KAZN: variants seen among roughly 807,000 people sequenced by gnomAD.
KAZN encodes kazrin.
In KAZN, 40 loss-of-function variants were observed where a neutral mutation model predicts 87.4. The ratio of observed to expected loss-of-function variants is 0.46; its 90% CI spans 0.36 to 0.60. KAZN has a LOEUF of 0.60. Among genes scored for constraint, KAZN ranks in the 20% least tolerant of loss-of-function variants. KAZN has a pLI of 0.00. For synonymous variants in KAZN, 466 were observed against 458.3 expected, an observed-to-expected ratio of 1.02 and a Z score of -0.22; for missense variants, 898 against 1,073.9, an observed-to-expected ratio of 0.84 and a Z score of 2.29.
Position 15,049,270 on chromosome 1 carries a change from C to G in KAZN, c.726+5111C>G, listed in dbSNP as rs1262846673. Among the ~76,000 whole-genome samples, 5 of 152,354 alleles carry G rather than the reference C, an allele frequency of 3.3e-5. No individual in the cohort carries two copies. In the East Asian group the frequency reaches 7.7e-4, roughly 24 times the overall value. On this transcript the variant is annotated intron_variant, in intron 4 of 14. Coordinates refer to ENST00000376030, the MANE Select transcript of KAZN (RefSeq NM_201628.3). ...GGCATCCCCCACACACTGGTCCTGT[C>G]CCTGGGAGCCCGGCTCACACGGACC...
intron 2 of KAZN, among the ~76,000 whole-genome samples, chr1:14,384,087 G>A (rs1661638074): frequency 6.6e-6 from 1 of 151,450 alleles, no homozygotes; most frequent in Non-Finnish European, 1.5e-5. Flanking sequence ...ATTGTGAATG[G>A]GAGTTCACTC....
chr1:14,087,510 C>T (rs992127621), intron 1 of KAZN, among the ~76,000 whole-genome samples: 2 of 152,086 alleles, frequency 1.3e-5, no homozygotes, highest in Admixed American at 1.3e-4. Flanking sequence ...TAAAATGAGG[C>T]AGTGAACATC....
intron 2 of KAZN, among the ~76,000 whole-genome samples, chr1:14,995,164 G>A (rs1667743668): frequency 6.6e-6 from 1 of 152,220 alleles, no homozygotes; most frequent in Non-Finnish European, 1.5e-5. Flanking sequence ...CTGAGCTCTG[G>A]GCAGTGCCCT....
At chr1:14,361,492 G>C (rs534975515) in intron 2 of KAZN, among the ~76,000 whole-genome samples, 6 of 152,338 alleles carry the variant, frequency 3.9e-5, no homozygotes, top group African/African-American at 1.4e-4. Context: ...GGTGCCACTA[G>C]GGTATGAAAA....
intron 2 of KAZN, among the ~76,000 whole-genome samples, chr1:14,476,114 C>T (rs770091351): frequency 6.6e-6 from 1 of 152,200 alleles, no homozygotes; most frequent in African/African-American, 2.4e-5. Context: ...TTATGTGGCA[C>T]GTACAGCACA....
At chr1:14,054,635 A>G (rs1216000660) in intron 1 of KAZN, among the ~76,000 whole-genome samples, 3 of 152,262 alleles carry the variant, frequency 2.0e-5, no homozygotes. Flanking sequence ...AGGACCTGGA[A>G]AATGATACAT....
intron 8 of KAZN, among the ~76,000 whole-genome samples, chr1:15,069,834 G>T: frequency 6.6e-6 from 1 of 152,124 alleles, no homozygotes; most frequent in East Asian, 1.9e-4. Flanking sequence ...TACACAAGCT[G>T]CATGACTGTA....
At chr1:14,888,712 G>A (rs955176894) in intron 1 of KAZN, among the ~76,000 whole-genome samples, 9 of 152,056 alleles carry the variant, frequency 5.9e-5, no homozygotes, top group Admixed American at 3.3e-4. Flanking sequence ...CACTTATGCC[G>A]CCGTGACAAA....
At chr1:14,090,970 G>A (rs1291847683) in intron 1 of KAZN, among the ~76,000 whole-genome samples, 1 of 151,916 alleles carries the variant, frequency 6.6e-6, no homozygotes, top group Non-Finnish European at 1.5e-5. Flanking sequence ...AAATTAGCTG[G>A]GCATGGTGGC....
intron 1 of KAZN, among the ~76,000 whole-genome samples, chr1:14,116,783 G>A (rs1644631393): frequency 6.6e-6 from 1 of 152,216 alleles, no homozygotes; most frequent in African/African-American, 2.4e-5. Context: ...GCAGCCAGGA[G>A]GGAGGCTGTA....
chr1:14,061,830 T>G (rs1642806826), intron 1 of KAZN, among the ~76,000 whole-genome samples: 1 of 152,068 alleles, frequency 6.6e-6, no homozygotes, highest in Non-Finnish European at 1.5e-5. Flanking sequence ...GAGTGGAGAA[T>G]GGGTGTGAGA....
chr1:14,938,020 A>G (rs6679165), intron 1 of KAZN, among the ~76,000 whole-genome samples: 6,878 of 152,224 alleles, frequency 0.045, 475 homozygotes, highest in African/African-American at 0.15. Flanking sequence ...GGCTCCCCTC[A>G]CTGAGCTAGG....
At position 14,323,039 on chromosome 1, in the gene KAZN, A is replaced by G. The variant is rs116745639; in HGVS notation, c.249+142447A>G. Among the ~76,000 whole-genome samples the G allele has an allele frequency of 7.3e-3, 1,113 of 152,258 alleles. 8 individuals carry two copies. The highest frequency in any genetic ancestry group is 0.026 in the African/African-American group (1,065 of 41,544). ...GTGAAGAGGGAAGAGCCCCTTATAT[A>G]ATAAAACCATTAGATCTCATGAGAA... On this transcript the variant is annotated intron_variant, in intron 2 of 16. Transcript: ENST00000636203.
chr1:14,376,413 ATTAG>A (rs1660924171), intron 2 of KAZN, among the ~76,000 whole-genome samples: 1 of 152,038 alleles, frequency 6.6e-6, no homozygotes, highest in South Asian at 2.1e-4. Flanking sequence ...TCGGGAGTAG[ATTAG>A]TTATTGTGGG....
intron 1 of KAZN, among the ~76,000 whole-genome samples, chr1:14,610,367 C>G (rs1479797202): frequency 6.6e-6 from 1 of 152,156 alleles, no homozygotes; most frequent in African/African-American, 2.4e-5. Context: ...GGACTACAGG[C>G]ACCCGCCACC....
chr1:14,748,288 A>G (rs905472954), intron 1 of KAZN, among the ~76,000 whole-genome samples: 2 of 152,288 alleles, frequency 1.3e-5, no homozygotes, highest in African/African-American at 2.4e-5. Flanking sequence ...TCTCATCTTT[A>G]CTGGCTGTCT....
rs78637493 is a variant in KAZN, at chr1:14,020,482, C to G, written c.91+126726C>G. ...CCCTTGTACAGGATGAACAAAAAGT[C>G]TTGTTTCTTCACAATATGATTGAGG... On this transcript the variant is annotated intron_variant, in intron 1 of 16. Transcript: ENST00000636203. 1.7e-4 allele frequency among the ~76,000 whole-genome samples: 26 copies of G among 152,254 alleles called. No individual in the cohort carries two copies. In the East Asian group the frequency reaches 3.5e-3, roughly 20 times the overall value.
At chr1:14,060,818 G>A (rs1331836581) in intron 1 of KAZN, among the ~76,000 whole-genome samples, 1 of 152,196 alleles carries the variant, frequency 6.6e-6, no homozygotes, top group Non-Finnish European at 1.5e-5. Context: ...TGGAATAGCA[G>A]GCAAAATCCA....
chr1:14,075,851 G>A (rs1643436072), intron 1 of KAZN, among the ~76,000 whole-genome samples: 1 of 152,096 alleles, frequency 6.6e-6, no homozygotes, highest in Non-Finnish European at 1.5e-5. Flanking sequence ...GTTATGAGTT[G>A]AATGGTGTTC....
Sources: allele counts gnomAD v4.1 joint callset (sites outside exome capture counted in the v4.1 genomes callset), GRCh38; gene constraint gnomAD v4.1.1; transcripts MANE v1.5; gene names NCBI Gene and HGNC (gene_info 2026-07-23, HGNC 2026-07-21).